PYHIN1: variants seen among roughly 807,000 people sequenced by gnomAD.
PYHIN1 encodes the protein pyrin and HIN domain-containing protein 1.
In PYHIN1, 32 loss-of-function variants were observed where a neutral mutation model predicts 43.7. The observed-to-expected ratio is 0.73, with a 90% confidence interval of 0.55 to 0.98. The LOEUF (loss-of-function observed/expected upper bound fraction) is 0.98. Ranked by LOEUF, PYHIN1 falls within the 50% of genes least tolerant of loss-of-function variation. The probability of loss-of-function intolerance (pLI) is 0.00; values close to 1 mark genes in which losing one functional copy is unlikely to be tolerated. For synonymous variants in PYHIN1, 205 were observed against 203.1 expected (o/e 1.01, Z -0.08); for missense variants, 588 against 589.5 (o/e 1.00, Z 0.03).
the PYHIN1 span, among the ~76,000 whole-genome samples, chr1:158,983,003 T>A: frequency 6.6e-6 from 1 of 152,178 alleles, no homozygotes; most frequent in Non-Finnish European, 1.5e-5. Context: ...ATCCTGAGAC[T>A]TTGCTGAAGT....
At chr1:158,939,577 C>T in intron 4 of PYHIN1, 1 of 1,442,906 alleles carries the variant, frequency 6.9e-7, no homozygotes, top group Non-Finnish European at 9.5e-7. Context: ...TCAAGTTTCT[C>T]TGACATACAC....
At chr1:158,953,523 G>A (rs1375751712) in intron 7 of PYHIN1, among the ~76,000 whole-genome samples, 1 of 150,750 alleles carries the variant, frequency 6.6e-6, no homozygotes, top group Non-Finnish European at 1.5e-5. Flanking sequence ...TACTCCAACA[G>A]ACCTGCAGCT....
intron 1 of PYHIN1, among the ~76,000 whole-genome samples, chr1:158,935,277 C>A (rs961020743): frequency 7.1e-6 from 1 of 141,668 alleles, no homozygotes. Context: ...ATATAAGGAA[C>A]ACACAAGTGC....
chr1:158,977,170 G>T (rs1416401251), downstream of PYHIN1: 1 of 152,408 alleles, frequency 6.6e-6, no homozygotes, highest in Non-Finnish European at 1.5e-5. Flanking sequence ...GGATCTTTAA[G>T]GAATAGGCCC....
At chr1:158,966,764 G>A (rs1189913580) in intron 7 of PYHIN1, among the ~76,000 whole-genome samples, 1 of 151,998 alleles carries the variant, frequency 6.6e-6, no homozygotes, top group African/African-American at 2.4e-5. Flanking sequence ...CATACTTTAT[G>A]GACAAAAGCT....
chr1:158,954,759 T>C (rs1649810519), intron 7 of PYHIN1, among the ~76,000 whole-genome samples: 1 of 150,348 alleles, frequency 6.7e-6, no homozygotes, highest in Non-Finnish European at 1.5e-5. Context: ...CAATATTAAC[T>C]TTAAATGTAA....
At chr1:158,973,809 TA>T in intron 8 of PYHIN1, 38 bp downstream of exon 8, 1 of 1,608,560 alleles carries the variant, frequency 6.2e-7, no homozygotes, top group Non-Finnish European at 8.5e-7. Flanking sequence ...ACCTCTAAAA[TA>T]TAATTGTAGG....
intron 7 of PYHIN1, among the ~76,000 whole-genome samples, chr1:158,952,278 G>A (rs572874728): frequency 3.8e-4 from 58 of 152,144 alleles, no homozygotes; most frequent in Non-Finnish European, 6.3e-4. Flanking sequence ...GCTGGCTGCG[G>A]ATTTGTGAGC....
Position 158,945,977 on chromosome 1 carries a change from G to A in PYHIN1, c.1359+935G>A, listed in dbSNP as rs150393872. Among the ~76,000 whole-genome samples the A allele has an allele frequency of 3.2e-3, 493 of 152,278 alleles. 3 individuals are homozygous for A. The highest frequency in any genetic ancestry group is 0.011 in the African/African-American group (471 of 41,552). Reference sequence around the variant, plus strand: ...TCAAGTTCTCAAAGACAGTGTTAGAGTCAGGATTCATATCCAGCCCTATTG... The same window carrying A: ...TCAAGTTCTCAAAGACAGTGTTAGAATCAGGATTCATATCCAGCCCTATTG... On this transcript the variant is annotated intron_variant, in intron 7 of 8. Transcript: ENST00000368140.
At chr1:158,940,528 G>A (rs1648852984) in intron 4 of PYHIN1, among the ~76,000 whole-genome samples, 1 of 152,064 alleles carries the variant, frequency 6.6e-6, no homozygotes, top group Non-Finnish European at 1.5e-5. Context: ...AATTTGGACA[G>A]GTCAGCCTTA....
intron 1 of PYHIN1, among the ~76,000 whole-genome samples, chr1:158,936,690 C>T (rs529168354): frequency 1.3e-5 from 2 of 152,216 alleles, no homozygotes; most frequent in Middle Eastern, 3.4e-3. Context: ...ATTGATGGGA[C>T]GTATCTCAAA....
rs1185458009 is a variant in PYHIN1 at position 158,973,536 on chromosome 1, CATAT to C, written c.1360-109_1360-106del. On this transcript the variant is annotated intron_variant, in intron 7 of 8. Coordinates refer to ENST00000368140, the MANE Select transcript of PYHIN1 (RefSeq NM_152501.5). The stretch of plus-strand genomic sequence containing the variant: ...ACACACACACACACACACACACACA[CATAT>C]ACACACATGTATTACATCCAACTTA... 1.4e-4 allele frequency: 147 copies of C among 1,014,310 alleles called. 2 individuals carry two copies. Among genetic ancestry groups the C allele is most frequent in the African/African-American group, 1.3e-3 (73 of 57,082 alleles). 62.8% of individuals were successfully genotyped at this position (1,014,310 alleles called of 1,614,324 possible).
intron 7 of PYHIN1, among the ~76,000 whole-genome samples, chr1:158,958,663 G>T (rs942690140): frequency 1.3e-5 from 2 of 149,348 alleles, no homozygotes; most frequent in East Asian, 3.9e-4. Context: ...GGTAGATGAC[G>T]AGTTAGTGGG....
intron 7 of PYHIN1, among the ~76,000 whole-genome samples, chr1:158,970,078 C>G (rs142424901): frequency 6.6e-4 from 100 of 151,782 alleles, no homozygotes; most frequent in African/African-American, 2.2e-3. Context: ...ATCTAAACCC[C>G]GAAGAAGACA....
At chr1:158,978,698 T>C (rs1357884548), downstream of PYHIN1, among the ~76,000 whole-genome samples, 1 of 152,124 alleles carries the variant, frequency 6.6e-6, no homozygotes, top group Non-Finnish European at 1.5e-5. Flanking sequence ...GATTTCTCCC[T>C]GAAATTTTAA....
At chr1:158,984,290 T>A in the PYHIN1 span, among the ~76,000 whole-genome samples, 1 of 152,076 alleles carries the variant, frequency 6.6e-6, no homozygotes, top group Non-Finnish European at 1.5e-5. Flanking sequence ...TTTAGTGCTA[T>A]AAACTTTTCT....
chr1:158,935,037 T>G (rs1427809070), intron 1 of PYHIN1, among the ~76,000 whole-genome samples: 1 of 152,176 alleles, frequency 6.6e-6, no homozygotes, highest in Non-Finnish European at 1.5e-5. Context: ...ATAGCATGCT[T>G]TGAGTGTCAT....
the PYHIN1 span, among the ~76,000 whole-genome samples, chr1:158,986,289 T>A: frequency 6.6e-6 from 1 of 152,184 alleles, no homozygotes; most frequent in African/African-American, 2.4e-5. Flanking sequence ...TTATTTTATA[T>A]TCTTTGATGT....
rs771761848 is a variant in PYHIN1 at position 158,944,924 on chromosome 1, T to A, written c.1241T>A (p.Leu414Gln). The A allele has an allele frequency of 6.2e-7, 1 of 1,613,274 alleles. No individual in the cohort carries two copies. Among genetic ancestry groups the A allele is most frequent in the Non-Finnish European group, 8.5e-7 (1 of 1,179,528 alleles). The change falls in exon 7 of 9, where the codon CTA (leucine) becomes CAA (glutamine). Residue 414 changes from leucine (L) to glutamine (Q), a missense_variant. Transcript: ENST00000368140. ...AGCCATGACTCCAGGAGCATGGCAC[T>A]ACCCCAGGAACAGAGTCAGCATCCA... ...QRSHDSRSMALPQEQSQHPKP... is the reference protein window; with the variant it reads ...QRSHDSRSMAQPQEQSQHPKP...
Sources: gnomAD v4.1 joint callset for allele counts (sites outside exome capture counted in the v4.1 genomes callset) on GRCh38, gnomAD v4.1.1 for gene constraint, MANE v1.5 for transcripts, NCBI Gene and HGNC (gene_info 2026-07-23, HGNC 2026-07-21) for gene names.